PRAMEF20: variants seen among roughly 807,000 people sequenced by gnomAD.
The protein encoded by PRAMEF20 is PRAME family member 20, also known as PRAME family member 20/21.
In PRAMEF20, 27 loss-of-function variants were observed where a neutral mutation model predicts 32.4. That is an observed-to-expected ratio of 0.83 (90% CI 0.61 to 1.15). PRAMEF20 has a LOEUF of 1.15. Ranked by LOEUF, PRAMEF20 falls within the 50% of genes most tolerant of loss-of-function variation. The probability of loss-of-function intolerance (pLI) is 0.00; values close to 1 mark genes in which losing one functional copy is unlikely to be tolerated. For synonymous variants in PRAMEF20, 256 were observed against 235.4 expected (o/e 1.09, Z -0.80); for missense variants, 604 against 584.5 (o/e 1.03, Z -0.34).
intron 1 of PRAMEF20, 26 bp from the exon 3 acceptor site, chr1:13,418,096 T>C: frequency 6.2e-7 from 1 of 1,611,900 alleles, no homozygotes; most frequent in East Asian, 2.2e-5. Context: ...CCTTAAATTC[T>C]CAGCCTCTCT....
chr1:13,410,974 C>T, the PRAMEF20 span, among the ~76,000 whole-genome samples: 1 of 152,102 alleles, frequency 6.6e-6, no homozygotes. Context: ...TCTCATGCCT[C>T]AGCCTCCTGA....
chr1:13,417,734 CT>C (rs1275843024), intron 1 of PRAMEF20, among the ~76,000 whole-genome samples: 67,802 of 125,386 alleles, frequency 0.54, 19,025 homozygotes, highest in African/African-American at 0.74. Context: ...GAAGTGAGTC[CT>C]TTTTTTTTTT....
upstream of PRAMEF20, among the ~76,000 whole-genome samples, chr1:13,411,551 C>T (rs1173754912): frequency 6.6e-6 from 1 of 152,068 alleles, no homozygotes; most frequent in Non-Finnish European, 1.5e-5. Flanking sequence ...CCACAATGGC[C>T]TTATGGTCAT....
chr1:13,417,582 G>A (rs1641190315), intron 1 of PRAMEF20, among the ~76,000 whole-genome samples: 2 of 150,796 alleles, frequency 1.3e-5, no homozygotes, highest in East Asian at 2.0e-4. Context: ...CAGCCTGGGC[G>A]ACAGAGGGAG....
exon 3 of PRAMEF20, chr1:13,421,263 C>A: frequency 6.2e-7 from 1 of 1,613,786 alleles, no homozygotes; most frequent in South Asian, 1.1e-5. Context: ...TGTTGAATGC[C>A]TGCCTATTTG....
chr1:13,416,421 T>G, exon 1 of PRAMEF20: 1 of 1,613,948 alleles, frequency 6.2e-7, no homozygotes, highest in Non-Finnish European at 8.5e-7. Context: ...GGACGAGGCC[T>G]TGGCCATCTC....
upstream of PRAMEF20, among the ~76,000 whole-genome samples, chr1:13,415,831 G>T (rs1227663523): frequency 6.6e-6 from 1 of 151,102 alleles, no homozygotes; most frequent in African/African-American, 2.4e-5. Flanking sequence ...GAGGGATGAG[G>T]GAAAGAAGGA....
chr1:13,420,630 C>A, intron 2 of PRAMEF20, 67 bp from the exon 4 acceptor site: 6 of 1,608,086 alleles, frequency 3.7e-6, no homozygotes, highest in Non-Finnish European at 5.1e-6. Flanking sequence ...ACTTTGAAGT[C>A]ATTCCCTACC....
At chr1:13,415,677 C>T (rs1435991884), upstream of PRAMEF20, among the ~76,000 whole-genome samples, 4 of 151,876 alleles carry the variant, frequency 2.6e-5, no homozygotes, top group Admixed American at 2.6e-4. Flanking sequence ...GTGGTCCCAG[C>T]TACTTGGGAG....
At chr1:13,418,078 A>G in intron 1 of PRAMEF20, 44 bp from the exon 3 acceptor site, 2 of 1,611,744 alleles carry the variant, frequency 1.2e-6, no homozygotes, top group South Asian at 1.1e-5. Context: ...CCAGCCTCAG[A>G]AGTGAGTCCT....
exon 3 of PRAMEF20, chr1:13,420,728 A>G: frequency 1.2e-6 from 2 of 1,613,842 alleles, no homozygotes; most frequent in Non-Finnish European, 8.5e-7. Context: ...CATCCTCGCA[A>G]TAACTAACTG....
At chr1:13,419,890 T>C (rs1479862749) in intron 2 of PRAMEF20, among the ~76,000 whole-genome samples, 1 of 152,104 alleles carries the variant, frequency 6.6e-6, no homozygotes, top group African/African-American at 2.4e-5. Flanking sequence ...ATGGGTTGTT[T>C]TGAGCTCCAG....
At chr1:13,413,056 A>G (rs1216794458), upstream of PRAMEF20, among the ~76,000 whole-genome samples, 4 of 152,218 alleles carry the variant, frequency 2.6e-5, no homozygotes, top group Non-Finnish European at 5.9e-5. Flanking sequence ...AAATATTCTG[A>G]TAAATTTGTG....
chr1:13,418,160 G>A (rs2100435823), exon 2 of PRAMEF20: 1 of 1,613,310 alleles, frequency 6.2e-7, no homozygotes, highest in East Asian at 2.2e-5. Context: ...CAGGATGTCA[G>A]TGAGAACTTC....
At chr1:13,419,949 G>A (rs1641223715) in intron 2 of PRAMEF20, among the ~76,000 whole-genome samples, 1 of 152,134 alleles carries the variant, frequency 6.6e-6, no homozygotes, top group Admixed American at 6.5e-5. Flanking sequence ...GAGGGTCAGG[G>A]ACCAGGCACA....
At chr1:13,414,654 G>A (rs1467233889), upstream of PRAMEF20, among the ~76,000 whole-genome samples, 3 of 148,892 alleles carry the variant, frequency 2.0e-5, no homozygotes, top group East Asian at 4.1e-4. Context: ...TAGTAGAGAC[G>A]GGGTGTCACC....
At chr1:13,413,876 C>A (rs1324697171), upstream of PRAMEF20, among the ~76,000 whole-genome samples, 2 of 152,108 alleles carry the variant, frequency 1.3e-5, no homozygotes, top group Non-Finnish European at 1.5e-5. Flanking sequence ...TAGTTTCAGG[C>A]AGCCCAAGAT....
upstream of PRAMEF20, chr1:13,416,215 T>C (rs1641167675): frequency 3.4e-6 from 5 of 1,487,788 alleles, no homozygotes; most frequent in Non-Finnish European, 4.7e-6. Flanking sequence ...AGAGTAGAAT[T>C]GGAGTAAACT....
intron 2 of PRAMEF20, among the ~76,000 whole-genome samples, 168 bp downstream of exon 3, chr1:13,418,868 CAG>C (rs1641213330): frequency 6.6e-6 from 1 of 152,192 alleles, no homozygotes; most frequent in Non-Finnish European, 1.5e-5. Context: ...CCAATGAAGA[CAG>C]AGGAATCAGC....
Sources: gnomAD v4.1 joint callset for allele counts (sites outside exome capture counted in the v4.1 genomes callset) on GRCh38, gnomAD v4.1.1 for gene constraint, MANE v1.5 for transcripts, NCBI Gene and HGNC (gene_info 2026-07-23, HGNC 2026-07-21) for gene names.